RDX: variants seen among roughly 807,000 people sequenced by gnomAD.
The protein encoded by RDX is radixin.
RDX carries 32 observed loss-of-function variants against 83.7 expected under a neutral mutation model. That is an observed-to-expected ratio of 0.38 (90% CI 0.29 to 0.51). The LOEUF (loss-of-function observed/expected upper bound fraction) is 0.51. Among genes scored for constraint, RDX ranks in the 20% least tolerant of loss-of-function variants. The pLI is 0.87. For missense variants in RDX, 600 were observed against 689.9 expected (o/e 0.87, Z 1.46); for synonymous variants, 229 against 222.7 (o/e 1.03, Z -0.25).
chr11:110,295,805 G>A (rs1245557731), intron 1 of RDX, among the ~76,000 whole-genome samples: 1 of 152,228 alleles, frequency 6.6e-6, no homozygotes, highest in Non-Finnish European at 1.5e-5. Context: ...AAAGTTACAG[G>A]GCTCCGAGAG....
intron 14 of RDX, among the ~76,000 whole-genome samples, chr11:110,214,390 G>T (rs1863952733): frequency 7.8e-6 from 1 of 128,228 alleles, no homozygotes; most frequent in African/African-American, 3.0e-5. Context: ...TACACTGTTG[G>T]TGGGACTGTA....
intron 5 of RDX, among the ~76,000 whole-genome samples, chr11:110,262,610 A>G (rs1327376962): frequency 2.0e-5 from 3 of 152,170 alleles, no homozygotes; most frequent in Non-Finnish European, 2.9e-5. Flanking sequence ...AAAAAATTAA[A>G]AAGTAATATT....
At chr11:110,215,036 C>CAA (rs1195888196) in intron 14 of RDX, among the ~76,000 whole-genome samples, 82 of 125,730 alleles carry the variant, frequency 6.5e-4, no homozygotes, top group Admixed American at 3.1e-3. Flanking sequence ...GGAGACCTAA[C>CAA]AAAAAAAAAA....
intron 1 of RDX, among the ~76,000 whole-genome samples, chr11:110,282,958 C>T (rs954531785): frequency 1.3e-5 from 2 of 151,904 alleles, no homozygotes; most frequent in Non-Finnish European, 1.5e-5. Flanking sequence ...GCCTGGGCAA[C>T]AGGGCAAGAT....
chr11:110,224,226 AAAAAAAAC>A (rs922822269), intron 14 of RDX, among the ~76,000 whole-genome samples: 16 of 151,838 alleles, frequency 1.1e-4, no homozygotes, highest in Non-Finnish European at 1.9e-4. Context: ...TATATTAAAA[AAAAAAAAC>A]AAAAAAACAA....
Position 110,231,456 on chromosome 11 carries a change from G to T in RDX, c.*413C>A, listed in dbSNP as rs1386204343. On this transcript the variant is annotated 3_prime_UTR_variant, in exon 14 of 14. Transcript: ENST00000645495. ...AAGGGCACACTGAGAAAATGTGAGT[G>T]AGAGAGAATGTGGAAATAGGTTAAA... The T allele has an allele frequency of 1.2e-5, 3 of 246,010 alleles. No individual in the cohort carries two copies. In the Admixed American group the frequency reaches 1.5e-4, roughly 12 times the overall value. The allele number at this position is 246,010 out of a possible 1,614,324, so 15.2% of individuals were successfully genotyped here.
intron 14 of RDX, among the ~76,000 whole-genome samples, chr11:110,203,413 TAAA>T (rs34158580): frequency 1.1e-3 from 134 of 125,488 alleles, no homozygotes; most frequent in East Asian, 1.7e-3. Flanking sequence ...TGTTAATGGG[TAAA>T]AAAAAAAAAA....
intron 14 of RDX, among the ~76,000 whole-genome samples, chr11:110,216,211 C>T (rs552426811): frequency 6.6e-6 from 1 of 152,018 alleles, no homozygotes; most frequent in Non-Finnish European, 1.5e-5. Flanking sequence ...CTGGACATAC[C>T]GCCTTTCTGT....
chr11:110,235,202 T>A (rs148155651), intron 12 of RDX, among the ~76,000 whole-genome samples: 110 of 152,122 alleles, frequency 7.2e-4, no homozygotes, highest in Middle Eastern at 3.4e-3. Context: ...AAAATAAAAA[T>A]GATGGTGCAT....
chr11:110,293,475 T>C (rs960270428), intron 1 of RDX, among the ~76,000 whole-genome samples: 13 of 152,146 alleles, frequency 8.5e-5, no homozygotes, highest in African/African-American at 2.9e-4. Context: ...TAAAATAGGC[T>C]AGAAATTGAG....
Position 110,279,761 on chromosome 11 carries a change from T to TAA in RDX, c.-64-7_-64-6dup, listed in dbSNP as rs61003001. On this transcript the variant is annotated splice_polypyrimidine_tract_variant and splice_region_variant and intron_variant, in intron 1 of 13. Coordinates refer to ENST00000645495, the MANE Select transcript of RDX (RefSeq NM_002906.4). ...AATGAATTCTGTTATCACTTTCTGT[T>TAA]AAAAAAAAAAAAGCATAATCTATTA... is the stretch of plus-strand genomic sequence containing the variant. The TAA allele has an allele frequency of 7.3e-5, 56 of 765,584 alleles. No homozygotes were observed. The highest frequency in any genetic ancestry group is 2.2e-4 in the African/African-American group (12 of 55,638). 47.4% of individuals were successfully genotyped at this position (765,584 alleles called of 1,614,324 possible).
At chr11:110,282,291 A>G (rs1407422259) in intron 1 of RDX, among the ~76,000 whole-genome samples, 1 of 152,198 alleles carries the variant, frequency 6.6e-6, no homozygotes, top group Non-Finnish European at 1.5e-5. Flanking sequence ...TACAATCACT[A>G]AAGGTTTTAT....
intron 14 of RDX, among the ~76,000 whole-genome samples, chr11:110,202,303 G>A (rs1863439342): frequency 6.6e-6 from 1 of 151,914 alleles, no homozygotes; most frequent in Non-Finnish European, 1.5e-5. Flanking sequence ...GCTGAGACAG[G>A]AATCGCTTGA....
intron 14 of RDX, among the ~76,000 whole-genome samples, chr11:110,204,609 C>G (rs547970100): frequency 6.7e-6 from 1 of 149,398 alleles, no homozygotes; most frequent in Non-Finnish European, 1.5e-5. Context: ...TTCCGCCTCC[C>G]GGGTTCAAGC....
At chr11:110,271,222 T>C (rs892069611) in intron 3 of RDX, among the ~76,000 whole-genome samples, 5 of 152,218 alleles carry the variant, frequency 3.3e-5, no homozygotes, top group Admixed American at 1.3e-4. Context: ...TTAGAGAATT[T>C]AGAATTTTTA....
At chr11:110,282,696 T>C (rs189643908) in intron 1 of RDX, among the ~76,000 whole-genome samples, 1 of 152,284 alleles carries the variant, frequency 6.6e-6, no homozygotes, top group East Asian at 1.9e-4. Context: ...CCATCCATAG[T>C]AGCCAGGCAT....
chr11:110,192,809 TGA>T (rs1490522705), intron 15 of RDX, among the ~76,000 whole-genome samples: 1 of 151,494 alleles, frequency 6.6e-6, no homozygotes, highest in East Asian at 1.9e-4. Context: ...AAAACCACAA[TGA>T]GATACCATCT....
chr11:110,198,076 CATAAATAAGTCTAAA>C (rs781164610), intron 15 of RDX, among the ~76,000 whole-genome samples: 5 of 152,112 alleles, frequency 3.3e-5, no homozygotes, highest in Non-Finnish European at 2.9e-5. Flanking sequence ...TTTTTTGTCA[CATAAATAAGTCTAAA>C]ACATAATATT....
chr11:110,295,469 G>A (rs986294483), intron 1 of RDX, among the ~76,000 whole-genome samples: 3 of 151,668 alleles, frequency 2.0e-5, no homozygotes, highest in African/African-American at 4.8e-5. Flanking sequence ...CCTCAGCAAC[G>A]TGTCTTCCAC....
Sources: gnomAD v4.1 joint callset for allele counts (sites outside exome capture counted in the v4.1 genomes callset) on GRCh38, gnomAD v4.1.1 for gene constraint, MANE v1.5 for transcripts, NCBI Gene and HGNC (gene_info 2026-07-23, HGNC 2026-07-21) for gene names.